The following DHX9 variants were observed in gnomAD, a reference collection of about 807,000 sequenced individuals.
The protein encoded by DHX9 is DExH-box helicase 9.
A neutral mutation model predicts 148.7 loss-of-function variants in DHX9; 27 were observed. The observed-to-expected ratio is 0.18, with a 90% CI of 0.13 to 0.25. DHX9 has a LOEUF of 0.25. Ranked by LOEUF, DHX9 falls within the 10% of genes least tolerant of loss-of-function variation. The pLI is 1.00. For missense variants in DHX9, 796 were observed against 1,559.6 expected (o/e 0.51, Z 8.25); for synonymous variants, 529 against 516.6 (o/e 1.02, Z -0.33).
chr1:182,881,450 G>C (rs1353568464), intron 23 of DHX9, 25 bp downstream of exon 23: 8 of 1,610,662 alleles, frequency 5.0e-6, no homozygotes, highest in Non-Finnish European at 6.8e-6. Context: ...TGGGTGAGCT[G>C]TCTGTAGTTT....
chr1:182,884,927 T>A, intron 27 of DHX9, 114 bp downstream of exon 27: 1 of 885,642 alleles, frequency 1.1e-6, no homozygotes. Flanking sequence ...ATTCTAGATA[T>A]AGATAGAGCT....
At chr1:182,883,051 G>A (rs1467378028) in intron 24 of DHX9, 88 bp from the exon 25 acceptor site, 1 of 895,634 alleles carries the variant, frequency 1.1e-6, no homozygotes, top group Non-Finnish European at 1.8e-6. Context: ...GGAAGAGTCA[G>A]TTCTCTGAAT....
intron 20 of DHX9, among the ~76,000 whole-genome samples, chr1:182,878,411 C>CG (rs1330878012): frequency 2.6e-5 from 4 of 152,160 alleles, no homozygotes; most frequent in African/African-American, 9.7e-5. Flanking sequence ...TTGTATAACA[C>CG]TAAGTGGTTA....
chr1:182,841,918 A>G (rs1208841923), intron 1 of DHX9, among the ~76,000 whole-genome samples: 1 of 152,368 alleles, frequency 6.6e-6, no homozygotes, highest in East Asian at 1.9e-4. Flanking sequence ...TACCGTCTTC[A>G]GTACTGAGTG....
At chr1:182,855,111 TCCTC>T (rs1017902633) in intron 6 of DHX9, among the ~76,000 whole-genome samples, 1 of 152,216 alleles carries the variant, frequency 6.6e-6, no homozygotes, top group Non-Finnish European at 1.5e-5. Flanking sequence ...GGTTCCCCCT[TCCTC>T]CCACTGTTTT....
chr1:182,845,627 G>A (rs1193769294), intron 3 of DHX9, among the ~76,000 whole-genome samples: 2 of 152,108 alleles, frequency 1.3e-5, no homozygotes, highest in African/African-American at 2.4e-5. Context: ...ACTCCACAGG[G>A]TGAGGACTCA....
intron 7 of DHX9, among the ~76,000 whole-genome samples, chr1:182,857,468 C>G (rs1668276343): frequency 6.6e-6 from 1 of 152,186 alleles, no homozygotes. Flanking sequence ...TTTATAAGAA[C>G]TGTTTTATTG....
chr1:182,877,246 T>C (rs750479821), intron 19 of DHX9, among the ~76,000 whole-genome samples: 5 of 152,178 alleles, frequency 3.3e-5, no homozygotes, highest in Non-Finnish European at 5.9e-5. Context: ...GACCAGTGTT[T>C]AGCACATGAC....
At chr1:182,864,814 A>G (rs1648217088) in intron 12 of DHX9, among the ~76,000 whole-genome samples, 1 of 152,186 alleles carries the variant, frequency 6.6e-6, no homozygotes, top group Admixed American at 6.5e-5. Context: ...AACCTCTATC[A>G]TGTCTTCCTT....
At chr1:182,849,823 T>C (rs1422321464) in intron 3 of DHX9, among the ~76,000 whole-genome samples, 1 of 152,176 alleles carries the variant, frequency 6.6e-6, no homozygotes, top group Admixed American at 6.5e-5. Flanking sequence ...ATTGGATTCT[T>C]GGTCTTTTCC....
chr1:182,844,292 A>G (rs962158534), intron 3 of DHX9, among the ~76,000 whole-genome samples: 2 of 152,130 alleles, frequency 1.3e-5, no homozygotes, highest in African/African-American at 4.8e-5. Flanking sequence ...TATGCAATGG[A>G]GTATTTTTGT....
intron 12 of DHX9, 55 bp downstream of exon 12, chr1:182,860,239 T>G (rs1477522432): frequency 9.6e-6 from 13 of 1,355,120 alleles, no homozygotes; most frequent in Non-Finnish European, 1.3e-5. Flanking sequence ...TCTGATTCTT[T>G]CTTTGATTAA....
rs1237601756 is a variant in DHX9 at position 182,878,084 on chromosome 1, A to C, written c.2262A>C (p.Ser754=). 3 of 1,614,262 alleles carry C rather than the reference A, an allele frequency of 1.9e-6. No individual in the cohort carries two copies. Among genetic ancestry groups the C allele is most frequent in the Non-Finnish European group, 2.5e-6 (3 of 1,180,036 alleles). Residue 754 remains serine, a synonymous_variant, in exon 20 of 28, where the codon TCA becomes TCC. Transcript: ENST00000367549. Reference sequence around the variant, plus strand: ...CCAACTATGCTACCGTATGGGCATCAAAAACAAACCTTGAGCAACGGAAAG... The same window carrying C: ...CCAACTATGCTACCGTATGGGCATCCAAAACAAACCTTGAGCAACGGAAAG... ...NMTNYATVWA[S]KTNLEQRKGR...
intron 7 of DHX9, among the ~76,000 whole-genome samples, chr1:182,857,718 C>G (rs1668281379): frequency 6.6e-6 from 1 of 152,316 alleles, no homozygotes; most frequent in South Asian, 2.1e-4. Context: ...TTCCCAAATC[C>G]TGGTCTAGGT....
intron 7 of DHX9, among the ~76,000 whole-genome samples, chr1:182,857,463 A>G (rs995879250): frequency 2.6e-5 from 4 of 152,216 alleles, no homozygotes; most frequent in African/African-American, 9.6e-5. Context: ...CTGTTTTTAT[A>G]AGAACTGTTT....
chr1:182,887,673 TA>T lies in DHX9; in HGVS notation c.*242del. On this transcript the variant is annotated 3_prime_UTR_variant, in exon 28 of 28. Transcript: ENST00000367549. ...CAGTTTGTATTTTTTCTTTAAGGAG[TA>T]AAGATTTGCCTTTAAATAACTTGGT... 1 of 438,400 alleles carries T rather than the reference TA, an allele frequency of 2.3e-6. No homozygotes were observed. The highest frequency in any genetic ancestry group is 3.9e-5 in the South Asian group (1 of 25,952). 27.2% of individuals were successfully genotyped at this position (438,400 alleles called of 1,614,324 possible).
At chr1:182,881,973 C>T (rs1649103912) in intron 24 of DHX9, among the ~76,000 whole-genome samples, 1 of 152,106 alleles carries the variant, frequency 6.6e-6, no homozygotes, top group Non-Finnish European at 1.5e-5. Flanking sequence ...AAAACCAACC[C>T]ATGTTTCTTG....
Position 182,849,579 on chromosome 1 carries a change from A to C in DHX9, c.253-2654A>C, listed in dbSNP as rs544959625. Among the ~76,000 whole-genome samples, 31 of 152,330 alleles carry C rather than the reference A, an allele frequency of 2.0e-4. No individual in the cohort carries two copies. In the South Asian group the frequency reaches 6.4e-3, roughly 32 times the overall value. On this transcript the variant is annotated intron_variant, in intron 3 of 27. Transcript: ENST00000367549. ...TGGGTGGAAGCCAAGGATGTTAAAA[A>C]CTATGGTATTCAGAACAGCTTTCTG... is the stretch of plus-strand genomic sequence containing the variant.
intron 27 of DHX9, among the ~76,000 whole-genome samples, chr1:182,885,022 C>T (rs1359581653): frequency 6.6e-6 from 1 of 152,168 alleles, no homozygotes; most frequent in Admixed American, 6.5e-5. Context: ...AGTTGGTCTG[C>T]TGCATCAGTG....
Sources: gnomAD v4.1 joint callset for allele counts (sites outside exome capture counted in the v4.1 genomes callset) on GRCh38, gnomAD v4.1.1 for gene constraint, MANE v1.5 for transcripts, NCBI Gene and HGNC (gene_info 2026-07-23, HGNC 2026-07-21) for gene names.